The following CNTNAP2 variants were observed in gnomAD, a reference collection of about 807,000 sequenced individuals.
CNTNAP2 encodes the protein contactin-associated protein-like 2.
In CNTNAP2, 98 loss-of-function variants were observed where a neutral mutation model predicts 155.2. That is an observed-to-expected ratio of 0.63 (90% CI 0.54 to 0.75). The LOEUF is 0.75. Ranked by LOEUF, CNTNAP2 falls within the 30% of genes least tolerant of loss-of-function variation. The pLI, the probability that CNTNAP2 is intolerant of heterozygous loss-of-function variation, is 0.00. For missense variants in CNTNAP2, 1,727 were observed against 1,688.1 expected, an observed-to-expected ratio of 1.02 and a Z score of -0.40; for synonymous variants, 651 against 631.2, an observed-to-expected ratio of 1.03 and a Z score of -0.47.
intron 8 of CNTNAP2, chr7:147,162,163 C>G (rs1297665114): frequency 6.6e-6 from 1 of 152,140 alleles, no homozygotes; most frequent in African/African-American, 2.4e-5. Context: ...ATATTCAACT[C>G]TGGGACATGT....
intron 16 of CNTNAP2, among the ~76,000 whole-genome samples, chr7:148,122,543 G>C (rs1804621555): frequency 6.6e-6 from 1 of 152,136 alleles, no homozygotes; most frequent in Admixed American, 6.6e-5. Flanking sequence ...GTGGGGAGGG[G>C]CAGGGGCCAG....
chr7:146,804,820 CAAT>C (rs1290458039), intron 2 of CNTNAP2, among the ~76,000 whole-genome samples: 1 of 152,178 alleles, frequency 6.6e-6, no homozygotes, highest in Admixed American at 6.5e-5. Context: ...GCCCCAGTCT[CAAT>C]GATGTATTCC....
chr7:147,577,776 AG>A (rs1424349547), intron 12 of CNTNAP2, among the ~76,000 whole-genome samples: 1 of 152,028 alleles, frequency 6.6e-6, no homozygotes, highest in African/African-American at 2.4e-5. Context: ...ACAAATATAA[AG>A]CAACACACCA....
intron 4 of CNTNAP2, among the ~76,000 whole-genome samples, chr7:147,105,254 C>A (rs1220149064): frequency 6.6e-6 from 1 of 151,818 alleles, no homozygotes; most frequent in Admixed American, 6.6e-5. Flanking sequence ...AAAGCGTTTT[C>A]TACCATGATG....
rs367865583 is a variant in CNTNAP2 at position 148,267,011 on chromosome 7, G to C, written c.3382-22G>C. On this transcript the variant is annotated intron_variant, in intron 20 of 23. Transcript: ENST00000361727. ...AGGGTAGAGACGTGCTTCTAAAAGT[G>C]TCTCTTGTTTTCCTCCTGCAGCTCG... 19 of 1,609,638 alleles carry C rather than the reference G, an allele frequency of 1.2e-5. No homozygotes were observed. In the African/African-American group the frequency reaches 2.1e-4, roughly 18 times the overall value.
chr7:147,542,101 C>T (rs541156104), intron 11 of CNTNAP2, among the ~76,000 whole-genome samples: 17 of 152,226 alleles, frequency 1.1e-4, no homozygotes, highest in Non-Finnish European at 1.9e-4. Context: ...AGGCTTATTG[C>T]AGCATTGATG....
chr7:146,876,859 T>A (rs938284119), intron 3 of CNTNAP2, among the ~76,000 whole-genome samples: 9 of 152,160 alleles, frequency 5.9e-5, no homozygotes, highest in African/African-American at 1.2e-4. Flanking sequence ...AAATGCACAT[T>A]TTTTCCTCTG....
At chr7:146,458,835 C>G (rs1796595046) in intron 1 of CNTNAP2, among the ~76,000 whole-genome samples, 2 of 152,138 alleles carry the variant, frequency 1.3e-5, no homozygotes, top group South Asian at 4.1e-4. Context: ...AGAAAGAATT[C>G]TCCTTCACAA....
intron 1 of CNTNAP2, among the ~76,000 whole-genome samples, chr7:146,580,631 G>A (rs1798597983): frequency 1.3e-5 from 2 of 152,020 alleles, no homozygotes; most frequent in Admixed American, 6.6e-5. Context: ...ACTCCTGTAA[G>A]TGTATGTTTC....
At chr7:147,950,288 G>T (rs1800902018) in intron 14 of CNTNAP2, among the ~76,000 whole-genome samples, 1 of 128,816 alleles carries the variant, frequency 7.8e-6, no homozygotes, top group Admixed American at 9.4e-5. Context: ...AGATAAATAT[G>T]ATGAATTGTC....
chr7:147,349,637 C>T (rs189119980), intron 9 of CNTNAP2, among the ~76,000 whole-genome samples: 149 of 151,752 alleles, frequency 9.8e-4, no homozygotes, highest in African/African-American at 3.5e-3. Context: ...GCAGATATCC[C>T]GCATTTGATT....
Position 146,220,008 on chromosome 7 carries a change from A to G in CNTNAP2, c.97+103035A>G, listed in dbSNP as rs192354653. Among the ~76,000 whole-genome samples the G allele has an allele frequency of 5.9e-5, 9 of 152,270 alleles. No individual in the cohort carries two copies. In the East Asian group the frequency reaches 1.4e-3, roughly 23 times the overall value. On this transcript the variant is annotated intron_variant, in intron 1 of 23. Coordinates refer to ENST00000361727, the MANE Select transcript of CNTNAP2 (RefSeq NM_014141.6). Reference sequence around the variant, plus strand: ...GCAAACTGAGTTGCCACAGGTGATGACACCTAATTACTGATCGAGCTGACA... The same window carrying G: ...GCAAACTGAGTTGCCACAGGTGATGGCACCTAATTACTGATCGAGCTGACA...
chr7:146,459,121 A>G (rs1281786036), intron 1 of CNTNAP2, among the ~76,000 whole-genome samples: 2 of 152,158 alleles, frequency 1.3e-5, no homozygotes, highest in African/African-American at 2.4e-5. Context: ...CTACCATGTA[A>G]TGGAGAAATC....
At chr7:146,128,186 C>T (rs1405060336) in intron 1 of CNTNAP2, among the ~76,000 whole-genome samples, 1 of 152,132 alleles carries the variant, frequency 6.6e-6, no homozygotes. Flanking sequence ...TTCCCTTAGG[C>T]TGATAGGTAT....
intron 11 of CNTNAP2, among the ~76,000 whole-genome samples, chr7:147,503,515 C>T (rs964728150): frequency 6.6e-6 from 1 of 152,102 alleles, no homozygotes; most frequent in Non-Finnish European, 1.5e-5. Flanking sequence ...CCCTGTGTCC[C>T]CTGTGCTTTC....
chr7:146,635,274 A>G (rs983963542), intron 1 of CNTNAP2, among the ~76,000 whole-genome samples: 1 of 152,218 alleles, frequency 6.6e-6, no homozygotes, highest in Non-Finnish European at 1.5e-5. Flanking sequence ...AAGATTCCAT[A>G]TTGGCTCTAA....
chr7:148,229,501 G>A, intron 19 of CNTNAP2, 145 bp from the exon 20 acceptor site: 2 of 1,094,256 alleles, frequency 1.8e-6, no homozygotes, highest in Non-Finnish European at 2.6e-6. Flanking sequence ...CTCCAGCCTG[G>A]GCAAGAGCAA....
chr7:147,311,268 C>T (rs1431079029), intron 9 of CNTNAP2, among the ~76,000 whole-genome samples: 2 of 152,162 alleles, frequency 1.3e-5, no homozygotes, highest in South Asian at 4.1e-4. Flanking sequence ...AAGACAGAAT[C>T]AGACAATCAA....
intron 13 of CNTNAP2, among the ~76,000 whole-genome samples, chr7:147,862,542 T>A (rs61682650): frequency 0.6 from 90,244 of 151,588 alleles, 27,120 homozygotes; most frequent in Middle Eastern, 0.7. Context: ...CTTCCTAGGG[T>A]TGAGGTTCTT....
Sources: allele counts gnomAD v4.1 joint callset (sites outside exome capture counted in the v4.1 genomes callset), GRCh38; gene constraint gnomAD v4.1.1; transcripts MANE v1.5; gene names NCBI Gene and HGNC (gene_info 2026-07-23, HGNC 2026-07-21).